NXPH2: variants seen among roughly 807,000 people sequenced by gnomAD.
The protein encoded by NXPH2 is neurexophilin-2.
In NXPH2, 5 loss-of-function variants were observed where a neutral mutation model predicts 19.8. The observed-to-expected ratio is 0.25, with a 90% confidence interval of 0.13 to 0.53. The LOEUF is 0.53. Ranked by LOEUF, NXPH2 falls within the 20% of genes least tolerant of loss-of-function variation. NXPH2 has a pLI of 0.96. For missense variants in NXPH2, 289 were observed against 322.8 expected (o/e 0.90, Z 0.80); for synonymous variants, 154 against 127.4 (o/e 1.21, Z -1.41).
chr2:138,773,426 G>C (rs891506589), intron 1 of NXPH2, among the ~76,000 whole-genome samples: 23 of 151,996 alleles, frequency 1.5e-4, no homozygotes, highest in African/African-American at 5.1e-4. Context: ...ATGCTTTATG[G>C]TCCCTAGTCG....
At chr2:138,679,357 G>A (rs1680534437) in intron 1 of NXPH2, among the ~76,000 whole-genome samples, 1 of 151,730 alleles carries the variant, frequency 6.6e-6, no homozygotes, top group South Asian at 2.1e-4. Context: ...AGCACATATT[G>A]ACTCTTCACC....
intron 1 of NXPH2, among the ~76,000 whole-genome samples, chr2:138,778,016 A>G (rs1307287700): frequency 6.6e-6 from 1 of 152,190 alleles, no homozygotes; most frequent in Admixed American, 6.5e-5. Flanking sequence ...TGAGCCATCC[A>G]AATGAGCAAA....
chr2:138,687,662 A>T (rs1315272224), intron 1 of NXPH2, among the ~76,000 whole-genome samples: 5 of 152,190 alleles, frequency 3.3e-5, no homozygotes, highest in Non-Finnish European at 7.3e-5. Context: ...ATAGGGTTTT[A>T]TGGCTTTAGG....
intron 1 of NXPH2, among the ~76,000 whole-genome samples, chr2:138,678,895 T>C (rs529659478): frequency 1.4e-4 from 22 of 152,240 alleles, no homozygotes; most frequent in Non-Finnish European, 1.2e-4. Context: ...GGTCAACTTG[T>C]TTATCAAAGG....
chr2:138,700,900 T>C (rs1680911855), intron 1 of NXPH2, among the ~76,000 whole-genome samples: 1 of 152,122 alleles, frequency 6.6e-6, no homozygotes, highest in Non-Finnish European at 1.5e-5. Context: ...ATTTCACATC[T>C]GTTCTCATCC....
In NXPH2 at chr2:138,701,976, G is replaced by A. The variant is rs114777442; in HGVS notation, c.52-30311C>T. 3.9e-3 allele frequency among the ~76,000 whole-genome samples: 592 copies of A among 152,278 alleles called. 4 individuals carry two copies. Among genetic ancestry groups the A allele is most frequent in the Non-Finnish European group, 4.6e-3 (312 of 68,018 alleles). On this transcript the variant is annotated intron_variant, in intron 1 of 1. Coordinates refer to ENST00000272641, the MANE Select transcript of NXPH2 (RefSeq NM_007226.3). ...ATCATAGGAGAGGTCGGTTACTCCG[G>A]TTTAAGGCAAAGCTAGTGTGGAGGA...
intron 1 of NXPH2, among the ~76,000 whole-genome samples, chr2:138,724,356 A>G (rs925012171): frequency 2.0e-5 from 3 of 152,216 alleles, no homozygotes; most frequent in African/African-American, 7.2e-5. Context: ...GCCAATCAGT[A>G]TCATGTCTTC....
At chr2:138,681,923 T>C (rs1334884297) in intron 1 of NXPH2, among the ~76,000 whole-genome samples, 2 of 152,170 alleles carry the variant, frequency 1.3e-5, no homozygotes, top group African/African-American at 2.4e-5. Context: ...GGTTATTAAT[T>C]TAAGCCAAGA....
chr2:138,760,302 G>A (rs968850314), intron 1 of NXPH2, among the ~76,000 whole-genome samples: 1 of 152,120 alleles, frequency 6.6e-6, no homozygotes, highest in African/African-American at 2.4e-5. Flanking sequence ...GCTCCCTGTT[G>A]TATACCGAGT....
At chr2:138,734,652 C>T (rs950249808) in intron 1 of NXPH2, among the ~76,000 whole-genome samples, 1 of 152,140 alleles carries the variant, frequency 6.6e-6, no homozygotes, top group Non-Finnish European at 1.5e-5. Flanking sequence ...CAGAGGGAGA[C>T]CACAGTAGTG....
At chr2:138,725,548 G>A (rs1681343893) in intron 1 of NXPH2, among the ~76,000 whole-genome samples, 1 of 152,180 alleles carries the variant, frequency 6.6e-6, no homozygotes, top group Non-Finnish European at 1.5e-5. Flanking sequence ...ATGGTTTCAT[G>A]AATGAAACCA....
intron 1 of NXPH2, among the ~76,000 whole-genome samples, chr2:138,762,203 C>G (rs1308714861): frequency 6.6e-6 from 1 of 152,160 alleles, no homozygotes; most frequent in Admixed American, 6.5e-5. Flanking sequence ...ACATTATCAA[C>G]AGTGGTCAAC....
chr2:138,758,074 T>G (rs1369758555), intron 1 of NXPH2, among the ~76,000 whole-genome samples: 1 of 152,140 alleles, frequency 6.6e-6, no homozygotes, highest in Non-Finnish European at 1.5e-5. Context: ...AATAGACTCA[T>G]GTTTTTAGAG....
chr2:138,699,332 G>C (rs1050099241), intron 1 of NXPH2, among the ~76,000 whole-genome samples: 2 of 152,116 alleles, frequency 1.3e-5, no homozygotes, highest in East Asian at 3.9e-4. Flanking sequence ...AAAGAGGAAG[G>C]CTTTTTTCCT....
chr2:138,671,194 A>C lies in NXPH2; in HGVS notation c.523T>G (p.Ser175Ala). ...TTGGATTCCTTGGTCTCCAAGGTAG[A>C]CTGGGGGGAAACTTCAAATTCCACC... ...KVVEFEVSPQ[S>A]TLETKESKSF... Residue 175 changes from serine (S) to alanine (A), a missense_variant, in exon 2 of 2, where the codon TCT becomes GCT. Ser to Ala is a moderately conservative substitution (Grantham distance 99, BLOSUM62 1). Coordinates refer to ENST00000272641, the MANE Select transcript of NXPH2 (RefSeq NM_007226.3). 1 of 1,613,928 alleles carries C rather than the reference A, an allele frequency of 6.2e-7. No homozygotes were observed. Among genetic ancestry groups the C allele is most frequent in the South Asian group, 1.1e-5 (1 of 91,080 alleles).
chr2:138,698,626 G>A lies in NXPH2; in HGVS notation c.52-26961C>T, dbSNP rs144587386. On this transcript the variant is annotated intron_variant, in intron 1 of 1. Coordinates refer to ENST00000272641, the MANE Select transcript of NXPH2 (RefSeq NM_007226.3). ...TCTCAGCACTGTGGGAGGCCAAGGC[G>A]GGAGGATCCTTTGAGCCCAGGAGTT... 1.2e-3 allele frequency among the ~76,000 whole-genome samples: 184 copies of A among 152,246 alleles called. 1 individual carries two copies. The highest frequency in any genetic ancestry group is 1.8e-3 in the Non-Finnish European group (124 of 68,022).
intron 1 of NXPH2, among the ~76,000 whole-genome samples, chr2:138,718,631 A>G (rs1020731173): frequency 6.6e-6 from 1 of 152,174 alleles, no homozygotes; most frequent in Non-Finnish European, 1.5e-5. Context: ...GGAGAAAACT[A>G]AAAGGAAATG....
At chr2:138,757,838 T>TATCC (rs1156384406) in intron 1 of NXPH2, among the ~76,000 whole-genome samples, 4 of 136,210 alleles carry the variant, frequency 2.9e-5, no homozygotes, top group African/African-American at 1.0e-4. Context: ...TCTATCTATC[T>TATCC]ATCTATCTAT....
At chr2:138,765,517 A>C (rs894255336) in intron 1 of NXPH2, among the ~76,000 whole-genome samples, 4 of 152,214 alleles carry the variant, frequency 2.6e-5, no homozygotes, top group African/African-American at 9.6e-5. Flanking sequence ...CTTAAAGAAA[A>C]AACTTAACTA....
Sources: allele counts gnomAD v4.1 joint callset (sites outside exome capture counted in the v4.1 genomes callset), GRCh38; gene constraint gnomAD v4.1.1; transcripts MANE v1.5; gene names NCBI Gene and HGNC (gene_info 2026-07-23, HGNC 2026-07-21).